SNX13: variants seen among roughly 807,000 people sequenced by gnomAD.
SNX13 encodes the protein sorting nexin-13.
A neutral mutation model predicts 133.6 loss-of-function variants in SNX13; 45 were observed. The observed-to-expected ratio is 0.34, with a 90% CI of 0.27 to 0.43. The LOEUF (loss-of-function observed/expected upper bound fraction) is 0.43. SNX13 is among the 20% of genes least tolerant of loss of function. SNX13 has a pLI of 1.00. For missense variants in SNX13, 1,032 were observed against 1,145.1 expected (o/e 0.90, Z 1.43); for synonymous variants, 414 against 373.9 (o/e 1.11, Z -1.24).
At chr7:17,904,889 C>T (rs1247476937) in intron 1 of SNX13, among the ~76,000 whole-genome samples, 1 of 152,144 alleles carries the variant, frequency 6.6e-6, no homozygotes, top group Non-Finnish European at 1.5e-5. Context: ...TGATGTGGAA[C>T]CCTGTCTCAT....
chr7:17,876,118 A>G (rs1191674749), intron 5 of SNX13, among the ~76,000 whole-genome samples: 1 of 152,252 alleles, frequency 6.6e-6, no homozygotes, highest in African/African-American at 2.4e-5. Context: ...GTAATTTCTC[A>G]GCCCCAACAT....
In SNX13 at chr7:17,798,776, T is replaced by C. The variant is rs1784323607; in HGVS notation, c.2445-18A>G. ...CTATTTTTCTGAAAGTAAATTAATG[T>C]AAATGAGGAAGGTTAAAATTTTAGA... On this transcript the variant is annotated intron_variant, in intron 23 of 25. Transcript: ENST00000428135. 2 of 1,523,698 alleles carry C rather than the reference T, an allele frequency of 1.3e-6. No homozygotes were observed. The highest frequency in any genetic ancestry group is 1.8e-6 in the Non-Finnish European group (2 of 1,134,392). 94.4% of individuals were successfully genotyped at this position (1,523,698 alleles called of 1,614,324 possible).
intron 12 of SNX13, among the ~76,000 whole-genome samples, chr7:17,842,131 C>T (rs1036554020): frequency 3.3e-5 from 5 of 151,942 alleles, no homozygotes; most frequent in African/African-American, 1.2e-4. Flanking sequence ...CCAAAAAGCT[C>T]AACAATCTCC....
chr7:17,811,660 A>T (rs867188403), intron 20 of SNX13, among the ~76,000 whole-genome samples: 1 of 151,716 alleles, frequency 6.6e-6, no homozygotes, highest in Non-Finnish European at 1.5e-5. Context: ...TAAATTTCAT[A>T]TGGAAGTAAA....
At chr7:17,890,123 T>C in intron 5 of SNX13, 1 of 317,680 alleles carries the variant, frequency 3.1e-6, no homozygotes, top group Non-Finnish European at 5.7e-6. Context: ...AAGAAAAAAC[T>C]ACCAAACAGA....
chr7:17,934,591 T>C (rs1447332564), intron 1 of SNX13, among the ~76,000 whole-genome samples: 1 of 152,178 alleles, frequency 6.6e-6, no homozygotes, highest in Non-Finnish European at 1.5e-5. Context: ...CTACCAGAGC[T>C]GGGATACACT....
chr7:17,915,625 GTCTGTC>G (rs1799471908), intron 1 of SNX13, among the ~76,000 whole-genome samples: 2 of 151,210 alleles, frequency 1.3e-5, no homozygotes, highest in South Asian at 2.1e-4. Flanking sequence ...CTGTCTGTCT[GTCTGTC>G]TCTCTCTCTC....
At chr7:17,842,317 G>C (rs1398975750) in intron 12 of SNX13, among the ~76,000 whole-genome samples, 1 of 152,040 alleles carries the variant, frequency 6.6e-6, no homozygotes, top group Non-Finnish European at 1.5e-5. Context: ...GATATTCAAA[G>C]TGCTAAAAGA....
chr7:17,824,147 C>A lies in SNX13; in HGVS notation c.1705+1875G>T, dbSNP rs533734316. 2.6e-5 allele frequency among the ~76,000 whole-genome samples: 4 copies of A among 152,156 alleles called. No individual in the cohort carries two copies. In the South Asian group the frequency reaches 8.3e-4, roughly 32 times the overall value. On this transcript the variant is annotated intron_variant, in intron 17 of 25. Coordinates refer to ENST00000428135, the MANE Select transcript of SNX13 (RefSeq NM_015132.5). Reference sequence around the variant, plus strand: ...GCCAATGTTACTCATAGCAGGCGATCTGCAAACTATTTGCTAGTAATTCTT... The same window carrying A: ...GCCAATGTTACTCATAGCAGGCGATATGCAAACTATTTGCTAGTAATTCTT...
chr7:17,882,767 G>T (rs565931976), intron 5 of SNX13: 5 of 1,159,816 alleles, frequency 4.3e-6, no homozygotes, highest in Non-Finnish European at 5.5e-6. Context: ...GAACTGAAAG[G>T]GTTCTCAAAT....
At chr7:17,868,722 A>C (rs769065783) in intron 8 of SNX13, among the ~76,000 whole-genome samples, 4 of 152,124 alleles carry the variant, frequency 2.6e-5, no homozygotes, top group Non-Finnish European at 4.4e-5. Flanking sequence ...ACAACTGTGG[A>C]GTGAAATAAA....
intron 1 of SNX13, among the ~76,000 whole-genome samples, chr7:17,919,987 T>C (rs1416246657): frequency 6.6e-6 from 1 of 151,952 alleles, no homozygotes; most frequent in Non-Finnish European, 1.5e-5. Context: ...ATTAAATTAA[T>C]GAATGAGTAA....
chr7:17,801,038 A>G (rs1486598811), intron 22 of SNX13, among the ~76,000 whole-genome samples: 18 of 21,788 alleles, frequency 8.3e-4, no homozygotes, highest in African/African-American at 2.5e-3. Context: ...ATATATATAT[A>G]TATATATATA....
In SNX13 at chr7:17,847,277, A is replaced by C. The variant is rs1024728375; in HGVS notation, c.1066-1583T>G. On this transcript the variant is annotated intron_variant, in intron 11 of 25. Transcript: ENST00000428135. ...CACGTAACAAATATGGGCCTCAAGT[A>C]ATGTTTCTTAAGTTATAATTCACCT... 3.3e-5 allele frequency among the ~76,000 whole-genome samples: 5 copies of C among 152,272 alleles called. No homozygotes were observed. In the South Asian group the frequency reaches 1.0e-3, roughly 32 times the overall value.
intron 5 of SNX13, chr7:17,881,359 C>A (rs765967011): frequency 2.0e-5 from 3 of 151,596 alleles, no homozygotes; most frequent in Admixed American, 6.6e-5. Context: ...CACACACGCA[C>A]GTTAAGAGTT....
At chr7:17,848,451 C>T (rs1790807438) in intron 11 of SNX13, among the ~76,000 whole-genome samples, 1 of 152,200 alleles carries the variant, frequency 6.6e-6, no homozygotes, top group Non-Finnish European at 1.5e-5. Context: ...GGGCAGCCGC[C>T]TCATGCAAAA....
At chr7:17,875,841 AAT>A in intron 5 of SNX13, 51 bp from the exon 6 acceptor site, 1 of 1,417,726 alleles carries the variant, frequency 7.1e-7, no homozygotes, top group East Asian at 2.4e-5. Flanking sequence ...TTTATCAGAA[AAT>A]ATAAATTCAT....
chr7:17,937,955 G>A (rs1255104466), intron 1 of SNX13, among the ~76,000 whole-genome samples: 1 of 152,154 alleles, frequency 6.6e-6, no homozygotes. Flanking sequence ...TCATAGCACA[G>A]CTCATCACTA....
At chr7:17,801,785 T>A in intron 21 of SNX13, 126 bp from the exon 22 acceptor site, 1 of 582,344 alleles carries the variant, frequency 1.7e-6, no homozygotes, top group South Asian at 3.6e-5. Flanking sequence ...ATAAGCCAAA[T>A]TTAACAATCT....
Sources: gnomAD v4.1 joint callset for allele counts (sites outside exome capture counted in the v4.1 genomes callset) on GRCh38, gnomAD v4.1.1 for gene constraint, MANE v1.5 for transcripts, NCBI Gene and HGNC (gene_info 2026-07-23, HGNC 2026-07-21) for gene names.